The following GPM6A variants were observed in gnomAD, a reference collection of about 807,000 sequenced individuals.
GPM6A encodes the protein neuronal membrane glycoprotein M6-a.
Under a neutral mutation model 32.1 loss-of-function variants are expected in GPM6A, and 7 were observed. The observed-to-expected ratio is 0.22, with a 90% CI of 0.12 to 0.41. The LOEUF (loss-of-function observed/expected upper bound fraction) is 0.41, where lower values mean the gene tolerates loss of function less well. Ranked by LOEUF, GPM6A falls within the 10% of genes least tolerant of loss-of-function variation. The pLI is 1.00. For missense variants in GPM6A, 235 were observed against 347.2 expected, an observed-to-expected ratio of 0.68 and a Z score of 2.57; for synonymous variants, 130 against 123.4, an observed-to-expected ratio of 1.05 and a Z score of -0.35.
At chr4:175,943,747 A>G (rs1739492862) in intron 1 of GPM6A, among the ~76,000 whole-genome samples, 1 of 152,170 alleles carries the variant, frequency 6.6e-6, no homozygotes, top group South Asian at 2.1e-4. Context: ...ATTGTGGTGG[A>G]TAAGCTTTTT....
chr4:175,712,505 T>C (rs771223867), intron 1 of GPM6A, among the ~76,000 whole-genome samples: 8 of 152,242 alleles, frequency 5.3e-5, no homozygotes, highest in Admixed American at 4.6e-4. Context: ...CAAATGCTTT[T>C]ATTTAGAGGA....
intron 1 of GPM6A, among the ~76,000 whole-genome samples, chr4:175,902,028 CAAA>C (rs569626335): frequency 2.2e-4 from 34 of 152,076 alleles, no homozygotes; most frequent in African/African-American, 8.0e-4. Context: ...TAAATGGCAA[CAAA>C]AAGATGTGGA....
At chr4:175,942,385 C>T (rs1181411062) in intron 1 of GPM6A, among the ~76,000 whole-genome samples, 2 of 151,994 alleles carry the variant, frequency 1.3e-5, no homozygotes, top group Non-Finnish European at 2.9e-5. Flanking sequence ...GTTTAATTAG[C>T]TCCCATTTGC....
At chr4:175,981,237 A>C (rs1426467082) in intron 1 of GPM6A, among the ~76,000 whole-genome samples, 1 of 152,230 alleles carries the variant, frequency 6.6e-6, no homozygotes, top group African/African-American at 2.4e-5. Flanking sequence ...AAGTTTAGTT[A>C]TATCAGATTT....
intron 1 of GPM6A, among the ~76,000 whole-genome samples, chr4:175,718,041 A>C (rs1484470349): frequency 6.6e-6 from 1 of 152,200 alleles, no homozygotes; most frequent in African/African-American, 2.4e-5. Flanking sequence ...TTTCATTATT[A>C]TGGTTATTGA....
At chr4:175,642,685 T>C (rs888408090) in intron 4 of GPM6A, among the ~76,000 whole-genome samples, 3 of 152,102 alleles carry the variant, frequency 2.0e-5, no homozygotes, top group Non-Finnish European at 4.4e-5. Context: ...TTGCCTCCTC[T>C]TCTCTCTGAC....
intron 1 of GPM6A, among the ~76,000 whole-genome samples, chr4:175,864,804 A>G (rs926828785): frequency 6.6e-6 from 1 of 151,024 alleles, no homozygotes; most frequent in Non-Finnish European, 1.5e-5. Flanking sequence ...TCATTTTTTT[A>G]TTTCATTTTT....
chr4:175,912,395 C>T lies in GPM6A; in HGVS notation c.-23+89914G>A, dbSNP rs555333697. Among the ~76,000 whole-genome samples the T allele has an allele frequency of 2.0e-5, 3 of 152,196 alleles. No individual in the cohort carries two copies. The South Asian group carries it at 6.2e-4, about 32-fold the overall frequency. On this transcript the variant is annotated intron_variant, in intron 1 of 7. Coordinates refer to the GPM6A transcript ENST00000280187. The stretch of plus-strand genomic sequence containing the variant: ...TCTTGCTGGGCATGGTGGCTCATAC[C>T]TGTAATCCCAGCACTTTGGGAGGTT...
chr4:175,709,185 A>G (rs1410281715), intron 1 of GPM6A, among the ~76,000 whole-genome samples: 1 of 152,002 alleles, frequency 6.6e-6, no homozygotes, highest in East Asian at 1.9e-4. Flanking sequence ...GGTCTTCTCC[A>G]GTGATTTTAA....
chr4:175,676,935 T>C (rs1349344129), intron 2 of GPM6A, among the ~76,000 whole-genome samples: 3 of 152,196 alleles, frequency 2.0e-5, no homozygotes, highest in African/African-American at 7.2e-5. Context: ...ATCTATCCCA[T>C]GATTTTTTTC....
chr4:175,808,542 G>T (rs529390746), intron 1 of GPM6A: 2 of 152,280 alleles, frequency 1.3e-5, no homozygotes, highest in East Asian at 3.9e-4. Flanking sequence ...AATGACCATT[G>T]AACTTTGGCT....
At chr4:175,950,863 T>A (rs1739784388) in intron 1 of GPM6A, among the ~76,000 whole-genome samples, 1 of 152,234 alleles carries the variant, frequency 6.6e-6, no homozygotes. Context: ...TCAACAATGT[T>A]AATTTCTGAA....
intron 3 of GPM6A, among the ~76,000 whole-genome samples, chr4:175,670,529 A>G (rs1025869011): frequency 1.3e-5 from 2 of 152,224 alleles, no homozygotes; most frequent in East Asian, 1.9e-4. Context: ...AATGTAGTCA[A>G]TAACATGTAT....
intron 1 of GPM6A, among the ~76,000 whole-genome samples, chr4:175,707,847 T>C (rs1397570507): frequency 2.6e-5 from 4 of 152,214 alleles, no homozygotes; most frequent in Non-Finnish European, 4.4e-5. Context: ...GGTCTCTTGT[T>C]TTAAATTCTA....
chr4:175,768,699 A>T (rs1053316733), intron 1 of GPM6A, among the ~76,000 whole-genome samples: 1 of 152,144 alleles, frequency 6.6e-6, no homozygotes, highest in Non-Finnish European at 1.5e-5. Context: ...CTTCACATGT[A>T]TCACCAAAGT....
At chr4:175,824,440 C>G (rs991860398) in intron 1 of GPM6A, among the ~76,000 whole-genome samples, 2 of 152,148 alleles carry the variant, frequency 1.3e-5, no homozygotes, top group African/African-American at 4.8e-5. Flanking sequence ...TTTACTATTG[C>G]AAATATTAAG....
At chr4:175,764,965 C>T (rs1732902521) in intron 1 of GPM6A, among the ~76,000 whole-genome samples, 1 of 151,716 alleles carries the variant, frequency 6.6e-6, no homozygotes, top group South Asian at 2.1e-4. Context: ...ACTCTGCCTC[C>T]CGGGTTCAAG....
intron 6 of GPM6A, among the ~76,000 whole-genome samples, chr4:175,639,530 T>C (rs1034070833): frequency 1.3e-5 from 2 of 152,138 alleles, no homozygotes; most frequent in African/African-American, 2.4e-5. Flanking sequence ...TCAGGGTTGA[T>C]ATTTGGCATT....
chr4:175,707,834 G>T (rs1373827793), intron 1 of GPM6A, among the ~76,000 whole-genome samples: 1 of 152,106 alleles, frequency 6.6e-6, no homozygotes, highest in Non-Finnish European at 1.5e-5. Flanking sequence ...ATTGGTTAAA[G>T]ATGGTCTCTT....
Sources: gnomAD v4.1 joint callset for allele counts (sites outside exome capture counted in the v4.1 genomes callset) on GRCh38, gnomAD v4.1.1 for gene constraint, MANE v1.5 for transcripts, NCBI Gene and HGNC (gene_info 2026-07-23, HGNC 2026-07-21) for gene names.